Variants in BIRC6 observed in about 807,000 individuals in gnomAD.
The protein encoded by BIRC6 is baculoviral IAP repeat containing 6, also known as dual E2 ubiquitin-conjugating enzyme/E3 ubiquitin-protein ligase BIRC6.
A neutral mutation model predicts 503.3 loss-of-function variants in BIRC6; 98 were observed. That is an observed-to-expected ratio of 0.19 (90% CI 0.17 to 0.23). BIRC6 has a LOEUF of 0.23. BIRC6 is among the 10% of genes least tolerant of loss of function. The pLI is 1.00. For synonymous variants in BIRC6, 2,240 were observed against 2,078.7 expected, an observed-to-expected ratio of 1.08 and a Z score of -2.11; for missense variants, 5,360 against 5,806.0, an observed-to-expected ratio of 0.92 and a Z score of 2.50.
At chr2:32,398,520 A>G (rs2040232751) in intron 6 of BIRC6, among the ~76,000 whole-genome samples, 1 of 152,208 alleles carries the variant, frequency 6.6e-6, no homozygotes. Context: ...TTAACAATTT[A>G]AGACCCTGTA....
chr2:32,430,232 T>C (rs1360849693), intron 11 of BIRC6, among the ~76,000 whole-genome samples: 2 of 152,226 alleles, frequency 1.3e-5, no homozygotes, highest in Non-Finnish European at 2.9e-5. Context: ...TGGCTTAGCA[T>C]TTTTTAATGT....
At chr2:32,482,786 A>C (rs1369486787) in intron 39 of BIRC6, among the ~76,000 whole-genome samples, 1 of 152,112 alleles carries the variant, frequency 6.6e-6, no homozygotes, top group Non-Finnish European at 1.5e-5. Flanking sequence ...TCAGAATAAC[A>C]CCTAGCAAGT....
chr2:32,380,125 ATTTT>A (rs968011642), intron 2 of BIRC6, 24 bp from the exon 3 acceptor site: 2 of 1,437,010 alleles, frequency 1.4e-6, no homozygotes, highest in South Asian at 1.4e-5. Context: ...ATTTTCTGTG[ATTTT>A]TTTATTTTTT....
chr2:32,585,484 A>T (rs921143135), intron 66 of BIRC6, among the ~76,000 whole-genome samples: 1 of 151,518 alleles, frequency 6.6e-6, no homozygotes, highest in African/African-American at 2.4e-5. Context: ...GGTTCAAGTG[A>T]TTCTTCTGCC....
At position 32,388,970 on chromosome 2, in the gene BIRC6, A is replaced by G. The variant is rs377539756; in HGVS notation, c.839+27A>G. 3.2e-5 allele frequency: 42 copies of G among 1,330,312 alleles called. No individual in the cohort carries two copies. In the African/African-American group the frequency reaches 4.8e-4, roughly 15 times the overall value. 82.4% of individuals were successfully genotyped at this position (1,330,312 alleles called of 1,614,324 possible). A position where few individuals can be genotyped will look rare whatever the true frequency, so the allele number is the denominator to read the frequency against. On this transcript the variant is annotated intron_variant, in intron 4 of 73. Transcript: ENST00000421745. ...TATGAACCTTGCTAACAAAGGTGAC[A>G]GTGAGATAGAATTGATTAGTTTTTG...
chr2:32,473,306 G>A (rs1267580102), intron 33 of BIRC6, 67 bp downstream of exon 33: 6 of 1,322,090 alleles, frequency 4.5e-6, no homozygotes, highest in East Asian at 2.6e-5. Flanking sequence ...GCATGAGACA[G>A]ATGTGCCATC....
intron 66 of BIRC6, among the ~76,000 whole-genome samples, chr2:32,575,597 T>G (rs548879747): frequency 2.6e-5 from 4 of 152,126 alleles, no homozygotes; most frequent in African/African-American, 9.6e-5. Flanking sequence ...ACCCCGTCTC[T>G]ACTAAAAATA....
At chr2:32,467,503 C>T (rs1159591439) in intron 26 of BIRC6, 22 bp from the exon 27 acceptor site, 11 of 1,599,040 alleles carry the variant, frequency 6.9e-6, no homozygotes, top group Non-Finnish European at 9.4e-6. Context: ...TTTTGGTCAA[C>T]TGTTTCTTCT....
At chr2:32,426,795 G>T (rs2043550957) in intron 10 of BIRC6, among the ~76,000 whole-genome samples, 1 of 152,090 alleles carries the variant, frequency 6.6e-6, no homozygotes, top group African/African-American at 2.4e-5. Flanking sequence ...TTTCTTTGGG[G>T]CTTTCTTTGT....
intron 65 of BIRC6, chr2:32,565,745 A>G (rs1286028146): frequency 6.6e-6 from 1 of 152,258 alleles, no homozygotes; most frequent in Non-Finnish European, 1.5e-5. Flanking sequence ...GGGAGGCCTC[A>G]GGAGACTTAC....
rs1160448620 is a variant in BIRC6 at position 32,415,843 on chromosome 2, A to T, written c.2552A>T (p.Asp851Val). ...EEPIKIQHIK[D>V]PQDTITSLIL... ...CCAATAAAAATACAACATATCAAAG[A>T]TCCCCAGGACACAATTACCTCGCTC... is the stretch of plus-strand genomic sequence containing the variant. The change falls in exon 10 of 74, where the codon GAT (aspartate) becomes GTT (valine). Residue 851 changes from aspartate to valine, a missense_variant. Physicochemically the swap from Asp to Val is radical, Grantham distance 152 (BLOSUM62 -3). Coordinates refer to ENST00000421745, the MANE Select transcript of BIRC6 (RefSeq NM_016252.4). The T allele has an allele frequency of 6.2e-7, 1 of 1,613,876 alleles. No homozygotes were observed.
intron 64 of BIRC6, chr2:32,549,097 CAT>C (rs1422159680): frequency 3.4e-5 from 12 of 355,448 alleles, no homozygotes; most frequent in East Asian, 3.0e-4. Flanking sequence ...TATGTCTAGT[CAT>C]ATGTAGTGTA....
chr2:32,396,727 CA>C (rs1189544448), intron 6 of BIRC6, among the ~76,000 whole-genome samples: 1 of 151,960 alleles, frequency 6.6e-6, no homozygotes, highest in African/African-American at 2.4e-5. Context: ...TAAAATTGAA[CA>C]TTTTTTTTCC....
At chr2:32,371,867 G>A (rs924871977) in intron 1 of BIRC6, among the ~76,000 whole-genome samples, 7 of 151,992 alleles carry the variant, frequency 4.6e-5, no homozygotes, top group Admixed American at 2.0e-4. Context: ...GTGCAATGGC[G>A]CGATCTCGGC....
Position 32,580,535 on chromosome 2 carries a change from CA to C in BIRC6, c.13355+5170del, listed in dbSNP as rs1481205563. On this transcript the variant is annotated intron_variant, in intron 66 of 73. Coordinates refer to ENST00000421745, the MANE Select transcript of BIRC6 (RefSeq NM_016252.4). ...TGGGAGATGAGCCTGGAGAGGAAAT[CA>C]GGGGCTAGAAGATAAACAGGAATAT... Among the ~76,000 whole-genome samples the C allele has an allele frequency of 6.6e-5, 10 of 152,206 alleles. No individual in the cohort carries two copies. In the South Asian group the frequency reaches 1.0e-3, roughly 16 times the overall value.
chr2:32,528,598 A>G (rs1006261138), intron 59 of BIRC6: 2 of 152,198 alleles, frequency 1.3e-5, no homozygotes, highest in Non-Finnish European at 2.9e-5. Context: ...GTCCTGACAC[A>G]TTATTTTTTC....
intron 65 of BIRC6, among the ~76,000 whole-genome samples, chr2:32,561,126 A>T (rs1328954230): frequency 6.6e-6 from 1 of 151,246 alleles, no homozygotes; most frequent in Non-Finnish European, 1.5e-5. Context: ...TGTACCCGGG[A>T]GACAGAGGTT....
Position 32,597,968 on chromosome 2 carries a change from G to A in BIRC6, c.13830G>A (p.Lys4610=). The A allele has an allele frequency of 6.2e-7, 1 of 1,606,308 alleles. No individual in the cohort carries two copies. Among genetic ancestry groups the A allele is most frequent in the Non-Finnish European group, 8.5e-7 (1 of 1,177,300 alleles). The change falls in exon 69 of 74, where the codon AAG becomes AAA. Residue 4610 remains lysine, a splice_region_variant and synonymous_variant. Coordinates refer to ENST00000421745, the MANE Select transcript of BIRC6 (RefSeq NM_016252.4). The part of the protein sequence containing the change: ...RCDEERLDIM[K]VLITGPADTP... Reference sequence around the variant, plus strand: ...ATGAGGAGCGACTTGATATCATGAAGGTAAAAAATAATGATAATAAAGCAC... The same window carrying A: ...ATGAGGAGCGACTTGATATCATGAAAGTAAAAAATAATGATAATAAAGCAC...
At chr2:32,467,201 A>C (rs1471080656) in intron 26 of BIRC6, among the ~76,000 whole-genome samples, 1 of 151,464 alleles carries the variant, frequency 6.6e-6, no homozygotes, top group Non-Finnish European at 1.5e-5. Flanking sequence ...GTAGCAGTCT[A>C]GTGTATTGCA....
Sources: gnomAD v4.1 joint callset for allele counts (sites outside exome capture counted in the v4.1 genomes callset) on GRCh38, gnomAD v4.1.1 for gene constraint, MANE v1.5 for transcripts, NCBI Gene and HGNC (gene_info 2026-07-23, HGNC 2026-07-21) for gene names.